Variants in PTPRN2 observed in about 807,000 individuals in gnomAD.
PTPRN2 encodes the protein protein tyrosine phosphatase receptor type N2, also known as receptor-type tyrosine-protein phosphatase N2.
A neutral mutation model predicts 118.8 loss-of-function variants in PTPRN2; 74 were observed. The ratio of observed to expected loss-of-function variants is 0.62; its 90% CI spans 0.52 to 0.76. The LOEUF (loss-of-function observed/expected upper bound fraction) is 0.76, where lower values mean the gene tolerates loss of function less well. Ranked by LOEUF, PTPRN2 falls within the 30% of genes least tolerant of loss-of-function variation. The probability of loss-of-function intolerance (pLI) is 0.00; values close to 1 mark genes in which losing one functional copy is unlikely to be tolerated. For missense variants in PTPRN2, 1,481 were observed against 1,394.4 expected (o/e 1.06, Z -0.99); for synonymous variants, 641 against 608.0 (o/e 1.05, Z -0.80).
At chr7:158,458,888 G>C (rs986963576) in intron 2 of PTPRN2, among the ~76,000 whole-genome samples, 1 of 152,164 alleles carries the variant, frequency 6.6e-6, no homozygotes, top group Non-Finnish European at 1.5e-5. Context: ...TGAGGACTGC[G>C]TGATCTTCAG....
chr7:158,238,133 A>G (rs1795654245), intron 3 of PTPRN2, among the ~76,000 whole-genome samples: 1 of 152,076 alleles, frequency 6.6e-6, no homozygotes, highest in African/African-American at 2.4e-5. Flanking sequence ...TAAGTCGCTA[A>G]GTCACGCCCG....
At chr7:157,924,492 AG>A (rs1048566157) in intron 11 of PTPRN2, among the ~76,000 whole-genome samples, 4 of 152,206 alleles carry the variant, frequency 2.6e-5, no homozygotes, top group Admixed American at 6.5e-5. Flanking sequence ...CCCCATCCAC[AG>A]GGCCCTGCTC....
chr7:158,253,432 A>T (rs568958808), intron 3 of PTPRN2, among the ~76,000 whole-genome samples: 32 of 152,296 alleles, frequency 2.1e-4, no homozygotes, highest in Non-Finnish European at 3.8e-4. Context: ...AGGAGGAAGC[A>T]CTCAACAGAA....
intron 12 of PTPRN2, among the ~76,000 whole-genome samples, chr7:157,890,122 G>A (rs748758393): frequency 6.6e-6 from 1 of 151,412 alleles, no homozygotes; most frequent in Non-Finnish European, 1.5e-5. Flanking sequence ...CTTGCTCGAT[G>A]GAGTGTCTTC....
intron 11 of PTPRN2, among the ~76,000 whole-genome samples, chr7:158,076,131 T>C (rs1362592265): frequency 6.6e-6 from 1 of 152,268 alleles, no homozygotes; most frequent in Non-Finnish European, 1.5e-5. Flanking sequence ...AGCAAGTGGC[T>C]GTTTTGAACA....
chr7:158,121,874 C>G (rs1817203146), intron 9 of PTPRN2, among the ~76,000 whole-genome samples: 1 of 152,212 alleles, frequency 6.6e-6, no homozygotes, highest in Non-Finnish European at 1.5e-5. Context: ...CTCTGTAAAG[C>G]AGAAGAGTGC....
intron 2 of PTPRN2, among the ~76,000 whole-genome samples, chr7:158,441,837 C>G: frequency 9.9e-6 from 1 of 100,526 alleles, no homozygotes; most frequent in African/African-American, 4.2e-5. Flanking sequence ...ATGGTCATGG[C>G]AGTGGTGGTG....
intron 11 of PTPRN2, among the ~76,000 whole-genome samples, chr7:157,945,784 C>T (rs1278012529): frequency 1.1e-4 from 16 of 143,568 alleles, no homozygotes; most frequent in Admixed American, 6.3e-4. Flanking sequence ...TGGACAATGC[C>T]GCCTTCCCAC....
chr7:158,519,687 G>A (rs1191654565), intron 1 of PTPRN2, among the ~76,000 whole-genome samples: 1 of 152,116 alleles, frequency 6.6e-6, no homozygotes, highest in Non-Finnish European at 1.5e-5. Flanking sequence ...AGGGAGAAAG[G>A]GGCCCTTTTT....
chr7:157,910,248 G>A (rs927997466), intron 11 of PTPRN2, among the ~76,000 whole-genome samples: 2 of 151,930 alleles, frequency 1.3e-5, no homozygotes, highest in Admixed American at 6.6e-5. Context: ...GATCACGCAC[G>A]TACACCGTGG....
Position 158,426,071 on chromosome 7 carries a change from T to A in PTPRN2, c.163+63664A>T, listed in dbSNP as rs71546403. On this transcript the variant is annotated intron_variant, in intron 2 of 22. Coordinates refer to ENST00000389418, the MANE Select transcript of PTPRN2 (RefSeq NM_002847.5). ...CGCCGGGAAAGACGCGGGGTCCGAG[T>A]CCAGCCTAGCTGAGGCCTGCGCACC... Among the ~76,000 whole-genome samples, 6 of 854 alleles carry A rather than the reference T, an allele frequency of 7.0e-3. 1 individual carries two copies. Among genetic ancestry groups the A allele is most frequent in the East Asian group, 0.053 (2 of 38 alleles). The allele number at this position is 854 out of a possible 152,430, so 0.6% of individuals were successfully genotyped here. A position where few individuals can be genotyped will look rare whatever the true frequency, so the allele number is the denominator to read the frequency against.
At chr7:158,304,246 C>T (rs182145702) in intron 3 of PTPRN2, among the ~76,000 whole-genome samples, 33 of 149,254 alleles carry the variant, frequency 2.2e-4, no homozygotes, top group Non-Finnish European at 4.1e-4. Context: ...TTTCTACATG[C>T]TAGGGAGGCA....
At position 158,376,100 on chromosome 7, in the gene PTPRN2, A is replaced by G. The variant is rs113269500; in HGVS notation, c.164-59168T>C. Among the ~76,000 whole-genome samples the G allele has an allele frequency of 7.2e-3, 1,098 of 152,270 alleles. 11 individuals are homozygous for G. The highest frequency in any genetic ancestry group is 0.025 in the African/African-American group (1,045 of 41,534). ...CCCACCGCGGCTTTGGGAGTCACAG[A>G]CACCCCACCCCTGGATGCTACTGCA... On this transcript the variant is annotated intron_variant, in intron 2 of 22. Transcript: ENST00000389418.
chr7:157,997,120 G>A (rs527713844), intron 11 of PTPRN2, among the ~76,000 whole-genome samples: 4 of 152,366 alleles, frequency 2.6e-5, no homozygotes, highest in African/African-American at 9.6e-5. Flanking sequence ...CCAGGAGGAC[G>A]GGGTTGGGGG....
rs183488561 is a variant in PTPRN2 at position 158,587,744 on chromosome 7, G to T, written c.-75C>A. 0.15 allele frequency: 160,450 copies of T among 1,087,274 alleles called. 12,662 individuals carry two copies. The highest frequency in any genetic ancestry group is 0.23 in the African/African-American group (13,720 of 58,942). 67.4% of individuals were successfully genotyped at this position (1,087,274 alleles called of 1,614,324 possible). ...CGGGAGGCGGCCGAGTCCGGGCCCAGGGAGGCGCGCGCCGCCGGCTCCTCC... is the reference window on the plus strand; with the variant it reads ...CGGGAGGCGGCCGAGTCCGGGCCCATGGAGGCGCGCGCCGCCGGCTCCTCC... On this transcript the variant is annotated 5_prime_UTR_variant, in exon 1 of 23. It adds an upstream start codon to the 5' untranslated region. Transcript: ENST00000389418.
chr7:157,702,623 A>G (rs1194106395), intron 12 of PTPRN2, among the ~76,000 whole-genome samples: 2 of 152,226 alleles, frequency 1.3e-5, no homozygotes, highest in Non-Finnish European at 2.9e-5. Context: ...CTTCCAGCAT[A>G]TGGTGGATAA....
intron 2 of PTPRN2, among the ~76,000 whole-genome samples, chr7:158,330,764 G>A (rs1225221089): frequency 1.4e-4 from 16 of 112,180 alleles, no homozygotes; most frequent in African/African-American, 4.5e-4. Context: ...CACCATAAGA[G>A]CTGACACCCG....
chr7:157,721,216 C>T (rs911432865), intron 12 of PTPRN2, among the ~76,000 whole-genome samples: 11 of 152,162 alleles, frequency 7.2e-5, no homozygotes, highest in South Asian at 2.1e-4. Flanking sequence ...ACAACGGGCA[C>T]GGTGTAGGCC....
At chr7:158,575,536 T>A (rs1049196823) in intron 1 of PTPRN2, among the ~76,000 whole-genome samples, 1 of 152,326 alleles carries the variant, frequency 6.6e-6, no homozygotes, top group Admixed American at 6.5e-5. Context: ...AGCTAATTTT[T>A]TACATTTTTT....
Sources: gnomAD v4.1 joint callset for allele counts (sites outside exome capture counted in the v4.1 genomes callset) on GRCh38, gnomAD v4.1.1 for gene constraint, MANE v1.5 for transcripts, NCBI Gene and HGNC (gene_info 2026-07-23, HGNC 2026-07-21) for gene names.